FOXN1: variants seen among roughly 807,000 people sequenced by gnomAD.
The protein encoded by FOXN1 is forkhead box N1, also known as forkhead box protein N1.
FOXN1 carries 15 observed loss-of-function variants against 49.0 expected under a neutral mutation model. The ratio of observed to expected loss-of-function variants is 0.31; its 90% CI spans 0.20 to 0.47. The LOEUF is 0.47. Ranked by LOEUF, FOXN1 falls within the 20% of genes least tolerant of loss-of-function variation. The pLI is 1.00. For missense variants in FOXN1, 800 were observed against 842.8 expected (o/e 0.95, Z 0.63); for synonymous variants, 356 against 369.0 (o/e 0.96, Z 0.40).
At chr17:28,517,190 A>G (rs1424823294) in intron 1 of FOXN1, among the ~76,000 whole-genome samples, 6 of 135,858 alleles carry the variant, frequency 4.4e-5, no homozygotes, top group African/African-American at 5.5e-5. Flanking sequence ...ACACACCTCC[A>G]CAGGATACAC....
chr17:28,524,172 G>T (rs113255020), intron 2 of FOXN1, 80 bp downstream of exon 2: 10 of 1,442,272 alleles, frequency 6.9e-6, no homozygotes, highest in African/African-American at 1.4e-5. Flanking sequence ...TCACCTTACC[G>T]CCCCCAGGGA....
rs762103229 is a variant in FOXN1 at position 28,524,601 on chromosome 17, G to C, written c.222G>C (p.Gly74=). The change falls in exon 3 of 9, where the codon GGG becomes GGC. Residue 74 remains glycine, a synonymous_variant. Transcript: ENST00000579795. ...ACAGCCCCCGCATTGCGTCACCAGG[G>C]CCCGAGCAAGTCCAGGGCCACTGCC... The part of the protein sequence containing the change: ...PPHSPRIASP[G]PEQVQGHCPA... The C allele has an allele frequency of 6.2e-7, 1 of 1,613,528 alleles. No homozygotes were observed. The highest frequency in any genetic ancestry group is 1.1e-5 in the South Asian group (1 of 91,076).
At chr17:28,519,069 A>G (rs189039678) in intron 1 of FOXN1, among the ~76,000 whole-genome samples, 165 of 152,334 alleles carry the variant, frequency 1.1e-3, no homozygotes, top group Non-Finnish European at 2.0e-3. Flanking sequence ...GTTGGGAAGA[A>G]ATGGGCACAA....
chr17:28,517,234 CACCTCCACAGGATCCAT>C (rs1567873510), intron 1 of FOXN1, among the ~76,000 whole-genome samples: 1 of 142,174 alleles, frequency 7.0e-6, no homozygotes, highest in African/African-American at 2.7e-5. Context: ...ACTGGGTACA[CACCTCCACAGGATCCAT>C]ACCTCCACAG....
Position 28,524,008 on chromosome 17 carries a change from G to C in FOXN1, c.39G>C (p.Leu13=). Residue 13 remains leucine, a synonymous_variant, in exon 2 of 9, where the codon CTG becomes CTC. Transcript: ENST00000579795. ...CCCCGCCGCAGTCTGACGTCACGCT[G>C]CCGGGCCCCACCAGACTGGAGGGCG... ...SLPPPQSDVT[L]PGPTRLEGER... 6.2e-7 allele frequency: 1 copy of C among 1,612,978 alleles called. No homozygotes were observed. Among genetic ancestry groups the C allele is most frequent in the Non-Finnish European group, 8.5e-7 (1 of 1,179,938 alleles).
At chr17:28,531,545 C>T (rs747745666) in intron 6 of FOXN1, among the ~76,000 whole-genome samples, 57 of 152,302 alleles carry the variant, frequency 3.7e-4, no homozygotes, top group South Asian at 1.0e-3. Flanking sequence ...CCCCTAAGGT[C>T]GCACAGTAGA....
intron 1 of FOXN1, among the ~76,000 whole-genome samples, chr17:28,518,150 T>A (rs940892878): frequency 7.1e-6 from 1 of 140,106 alleles, no homozygotes; most frequent in Admixed American, 7.1e-5. Context: ...CACCTCCACA[T>A]GGTACACACC....
chr17:28,537,065 A>G, intron 8 of FOXN1, 52 bp from the exon 9 acceptor site: 1 of 1,394,448 alleles, frequency 7.2e-7, no homozygotes, highest in South Asian at 1.2e-5. Flanking sequence ...GGGGCCAGAC[A>G]GGGCTCCTCC....
chr17:28,526,046 G>A (rs1396351111), intron 3 of FOXN1, among the ~76,000 whole-genome samples: 1 of 152,158 alleles, frequency 6.6e-6, no homozygotes, highest in Admixed American at 6.5e-5. Context: ...TTGCAGATGA[G>A]GAAACTGAGG....
At chr17:28,515,465 C>T (rs1427167794) in intron 1 of FOXN1, among the ~76,000 whole-genome samples, 2 of 151,500 alleles carry the variant, frequency 1.3e-5, no homozygotes, top group African/African-American at 4.9e-5. Context: ...CAGGTGAACA[C>T]ACTTCCACAG....
intron 1 of FOXN1, among the ~76,000 whole-genome samples, chr17:28,509,088 G>C (rs1431167510): frequency 4.6e-5 from 7 of 152,038 alleles, no homozygotes; most frequent in African/African-American, 1.7e-4. Context: ...ACCTCCAGGA[G>C]CTGGGGAAAG....
rs112559436 is a variant in FOXN1 at position 28,517,126 on chromosome 17, G to A, written c.-14-6830G>A. Among the ~76,000 whole-genome samples, 133 of 112,836 alleles carry A rather than the reference G, an allele frequency of 1.2e-3. 5 individuals are homozygous for A. The highest frequency in any genetic ancestry group is 4.2e-3 in the African/African-American group (127 of 30,532). The allele number at this position is 112,836 out of a possible 152,430, so 74.0% of individuals were successfully genotyped here. A position where few individuals can be genotyped will look rare whatever the true frequency, so the allele number is the denominator to read the frequency against. On this transcript the variant is annotated intron_variant, in intron 1 of 8. Transcript: ENST00000579795. ...CTCCACAGGATCCATACCTCAAAAG[G>A]GTACACATCTCCACAGGGTACACAC...
chr17:28,507,881 C>T (rs1230853856), intron 1 of FOXN1, among the ~76,000 whole-genome samples: 1 of 152,150 alleles, frequency 6.6e-6, no homozygotes, highest in Non-Finnish European at 1.5e-5. Context: ...GTGAGGGGTC[C>T]AGGGTGAGCC....
intron 1 of FOXN1, among the ~76,000 whole-genome samples, chr17:28,518,004 T>C (rs1247086355): frequency 1.1e-3 from 97 of 89,694 alleles, no homozygotes; most frequent in Middle Eastern, 0.01. Context: ...ACAGGATCCA[T>C]ACCTCCACAG....
Position 28,527,319 on chromosome 17 carries a change from C to T in FOXN1, c.657C>T (p.Pro219=), listed in dbSNP as rs2151490005. Residue 219 remains proline (P), a synonymous_variant, in exon 4 of 9, where the codon CCC becomes CCT. Coordinates refer to ENST00000579795, the MANE Select transcript of FOXN1 (RefSeq NM_001369369.1). ...SGAGMFCYQP[P]LQHMYCSSQP... Reference sequence around the variant, plus strand: ...CTGGGATGTTCTGCTACCAGCCTCCCTTGCAGCATATGTACTGCTCCTCCC... The same window carrying T: ...CTGGGATGTTCTGCTACCAGCCTCCTTTGCAGCATATGTACTGCTCCTCCC... 3.1e-6 allele frequency: 5 copies of T among 1,613,898 alleles called. No individual in the cohort carries two copies. Among genetic ancestry groups the T allele is most frequent in the Non-Finnish European group, 4.2e-6 (5 of 1,179,844 alleles).
chr17:28,528,874 G>A (rs1597557721), intron 4 of FOXN1, among the ~76,000 whole-genome samples: 1 of 152,296 alleles, frequency 6.6e-6, no homozygotes, highest in East Asian at 1.9e-4. Context: ...GGAAGGAGCT[G>A]GAGGAAGAGG....
At chr17:28,536,523 G>T (rs914573891) in intron 8 of FOXN1, among the ~76,000 whole-genome samples, 5 of 152,140 alleles carry the variant, frequency 3.3e-5, no homozygotes, top group African/African-American at 9.7e-5. Context: ...GGTTTAGTCA[G>T]GCCCTCTCTC....
At chr17:28,507,478 G>A (rs1163589734) in intron 1 of FOXN1, among the ~76,000 whole-genome samples, 1 of 152,158 alleles carries the variant, frequency 6.6e-6, no homozygotes, top group African/African-American at 2.4e-5. Context: ...GGCTCATCTT[G>A]GGAAGTCATC....
Position 28,524,573 on chromosome 17 carries a change from C to A in FOXN1, c.194C>A (p.Pro65Gln), listed in dbSNP as rs777608417. 7.4e-6 allele frequency: 12 copies of A among 1,613,572 alleles called. No individual in the cohort carries two copies. Among genetic ancestry groups the A allele is most frequent in the Non-Finnish European group, 1.0e-5 (12 of 1,179,992 alleles). ...GPPERTPSLP[P>Q]HSPRIASPGP... ...CCAGAGAGGACACCCTCACTGCCCC[C>A]ACACAGCCCCCGCATTGCGTCACCA... The change falls in exon 3 of 9, where the codon CCA (proline) becomes CAA (glutamine). Residue 65 changes from proline (P) to glutamine (Q), a missense_variant. This residue lies in a region of FOXN1 where 383 missense variants were observed against 357.9 expected (regional missense o/e 1.07). Coordinates refer to ENST00000579795, the MANE Select transcript of FOXN1 (RefSeq NM_001369369.1).
Sources: gnomAD v4.1 joint callset for allele counts (sites outside exome capture counted in the v4.1 genomes callset) on GRCh38, gnomAD v4.1.1 for gene constraint, gnomAD v4.1.1 regional missense constraint, MANE v1.5 for transcripts, NCBI Gene and HGNC (gene_info 2026-07-23, HGNC 2026-07-21) for gene names.